KIF11: variants seen among roughly 807,000 people sequenced by gnomAD.
KIF11 encodes kinesin family member 11, also known as kinesin-like protein KIF11.
In KIF11, 9 loss-of-function variants were observed where a neutral mutation model predicts 121.0. The observed-to-expected ratio is 0.07, with a 90% confidence interval of 0.04 to 0.13. KIF11 has a LOEUF of 0.13. Ranked by LOEUF, KIF11 falls within the 10% of genes least tolerant of loss-of-function variation. The probability of loss-of-function intolerance (pLI) is 1.00; values close to 1 mark genes in which losing one functional copy is unlikely to be tolerated. For synonymous variants in KIF11, 408 were observed against 421.0 expected (o/e 0.97, Z 0.38); for missense variants, 846 against 1,217.5 (o/e 0.69, Z 4.54).
chr10:92,634,395 G>A (rs1357594823), intron 14 of KIF11, among the ~76,000 whole-genome samples: 2 of 151,772 alleles, frequency 1.3e-5, no homozygotes, highest in Admixed American at 6.6e-5. Context: ...TCAGCCTCCC[G>A]GGTAGATGGA....
At chr10:92,615,393 G>A (rs1277485136) in intron 8 of KIF11, among the ~76,000 whole-genome samples, 4 of 151,910 alleles carry the variant, frequency 2.6e-5, no homozygotes, top group Non-Finnish European at 5.9e-5. Flanking sequence ...GTGACAGAGT[G>A]AGACTCTGTC....
intron 10 of KIF11, among the ~76,000 whole-genome samples, chr10:92,622,155 T>A (rs1844624271): frequency 6.6e-6 from 1 of 152,094 alleles, no homozygotes; most frequent in South Asian, 2.1e-4. Context: ...ATGCCCGTAA[T>A]CATAGCTACT....
intron 16 of KIF11, among the ~76,000 whole-genome samples, chr10:92,637,962 A>T (rs74662385): frequency 0.021 from 3,161 of 152,278 alleles, 49 homozygotes; most frequent in Admixed American, 0.052. Flanking sequence ...TGTCTCACTG[A>T]TAGACATTTA....
intron 18 of KIF11, among the ~76,000 whole-genome samples, chr10:92,646,945 G>A (rs1005488045): frequency 2.6e-5 from 4 of 152,134 alleles, no homozygotes; most frequent in Admixed American, 2.6e-4. Flanking sequence ...TCACCAGTAT[G>A]CAACTCTTAA....
chr10:92,615,331 A>G (rs1589594842), intron 8 of KIF11, among the ~76,000 whole-genome samples: 1 of 151,954 alleles, frequency 6.6e-6, no homozygotes, highest in African/African-American at 2.4e-5. Context: ...GCTTGAACCC[A>G]GGAGGTGGAG....
chr10:92,602,391 A>G (rs1234331186), intron 1 of KIF11, among the ~76,000 whole-genome samples: 1 of 152,152 alleles, frequency 6.6e-6, no homozygotes, highest in Non-Finnish European at 1.5e-5. Context: ...TATCAGATCT[A>G]GGGCTTTTCT....
At chr10:92,608,392 G>T (rs1225189566) in intron 4 of KIF11, among the ~76,000 whole-genome samples, 1 of 151,708 alleles carries the variant, frequency 6.6e-6, no homozygotes, top group Admixed American at 6.6e-5. Flanking sequence ...TACCATAGGA[G>T]ATATGGAATA....
At chr10:92,604,792 G>A (rs1589589340) in intron 1 of KIF11, among the ~76,000 whole-genome samples, 1 of 152,190 alleles carries the variant, frequency 6.6e-6, no homozygotes, top group East Asian at 1.9e-4. Context: ...TCTCCCTTTG[G>A]CCCAGACATG....
At chr10:92,623,602 T>C (rs1252394153) in intron 10 of KIF11, among the ~76,000 whole-genome samples, 1 of 152,224 alleles carries the variant, frequency 6.6e-6, no homozygotes, top group Non-Finnish European at 1.5e-5. Context: ...TCTGTGTTAC[T>C]TCCAACTGTC....
At chr10:92,594,208 G>T (rs1844266690) in intron 1 of KIF11, among the ~76,000 whole-genome samples, 1 of 152,210 alleles carries the variant, frequency 6.6e-6, no homozygotes, top group South Asian at 2.1e-4. Context: ...TTTTGTGGCT[G>T]TTAACAGTTG....
At chr10:92,602,805 TAAAC>T (rs1272638767) in intron 1 of KIF11, among the ~76,000 whole-genome samples, 28 of 109,454 alleles carry the variant, frequency 2.6e-4, no homozygotes, top group African/African-American at 8.6e-4. Flanking sequence ...CCTGGTTACT[TAAAC>T]ACACACACAC....
intron 10 of KIF11, 21 bp downstream of exon 10, chr10:92,621,494 T>A: frequency 7.0e-7 from 1 of 1,435,990 alleles, no homozygotes; most frequent in Non-Finnish European, 9.8e-7. Flanking sequence ...GGCTATGGAG[T>A]TAATTTCCAA....
intron 10 of KIF11, among the ~76,000 whole-genome samples, chr10:92,627,790 G>A (rs1264236525): frequency 6.6e-6 from 1 of 151,920 alleles, no homozygotes; most frequent in Non-Finnish European, 1.5e-5. Flanking sequence ...ATTCTTTGTT[G>A]GATTTTTTTT....
At position 92,645,532 on chromosome 10, in the gene KIF11, C is replaced by G; in HGVS notation, c.2437C>G (p.Gln813Glu). 1 of 1,613,680 alleles carries G rather than the reference C, an allele frequency of 6.2e-7. No homozygotes were observed. The highest frequency in any genetic ancestry group is 8.5e-7 in the Non-Finnish European group (1 of 1,179,650). Residue 813 changes from glutamine to glutamate, a missense_variant, in exon 18 of 22, where the codon CAA becomes GAA. Gln to Glu is a conservative substitution (Grantham distance 29). Around this residue, in one of 5 missense-constraint regions of KIF11, gnomAD observed 492 missense variants for 603.4 expected, o/e 0.82. Coordinates refer to ENST00000260731, the MANE Select transcript of KIF11 (RefSeq NM_004523.4). ...KLNGNLEKISQETEQRCESLN... is the reference protein window; with the variant it reads ...KLNGNLEKISEETEQRCESLN... ...CAATGGCAACCTGGAAAAAATATCT[C>G]AAGAGACTGAACAGAGATGTGAATC...
intron 21 of KIF11, among the ~76,000 whole-genome samples, chr10:92,651,338 T>C (rs1157749860): frequency 1.4e-5 from 2 of 143,368 alleles, no homozygotes; most frequent in East Asian, 2.1e-4. Context: ...CTCTACCCAC[T>C]TTTTTTTTTC....
In KIF11 at chr10:92,623,553, C is replaced by T. The variant is rs116687496; in HGVS notation, c.1217+2080C>T. Reference sequence around the variant, plus strand: ...CTGAACTTTTTTGTAGATGTTAACACTCTAATAGTATATAAATCATTTAAT... The same window carrying T: ...CTGAACTTTTTTGTAGATGTTAACATTCTAATAGTATATAAATCATTTAAT... On this transcript the variant is annotated intron_variant, in intron 10 of 21. Coordinates refer to ENST00000260731, the MANE Select transcript of KIF11 (RefSeq NM_004523.4). Among the ~76,000 whole-genome samples the T allele has an allele frequency of 5.0e-3, 755 of 152,290 alleles. 3 individuals are homozygous for T. The highest frequency in any genetic ancestry group is 0.017 in the African/African-American group (708 of 41,562).
In KIF11 at chr10:92,628,901, C is replaced by CT. The variant is rs1209219347; in HGVS notation, c.1305+6_1305+7insT. ...TTGAGGAGGAGCTGAATAGGGTAAG[C>CT]ACTTAAAATGATATTTACTGTTATG... On this transcript the variant is annotated splice_region_variant and intron_variant, in intron 11 of 21. Transcript: ENST00000260731. 7.0e-7 allele frequency: 1 copy of CT among 1,430,230 alleles called. No individual in the cohort carries two copies. The highest frequency in any genetic ancestry group is 2.3e-5 in the East Asian group (1 of 43,780). The allele number at this position is 1,430,230 out of a possible 1,614,324, so 88.6% of individuals were successfully genotyped here.
Position 92,593,481 on chromosome 10 carries a change from C to T in KIF11, c.77+29C>T, listed in dbSNP as rs778999989. 1.3e-6 allele frequency: 2 copies of T among 1,590,700 alleles called. 1 individual carries two copies. The highest frequency in any genetic ancestry group is 1.7e-6 in the Non-Finnish European group (2 of 1,166,976). On this transcript the variant is annotated intron_variant, in intron 1 of 21. Coordinates refer to ENST00000260731, the MANE Select transcript of KIF11 (RefSeq NM_004523.4). ...GGGAGAGGGCTGACAGGATTCCGAG[C>T]GCTGCGGCTTCGCTGCTGGGCCCCC...
intron 1 of KIF11, among the ~76,000 whole-genome samples, chr10:92,602,858 T>G (rs1289322575): frequency 8.0e-6 from 1 of 125,148 alleles, no homozygotes; most frequent in African/African-American, 3.2e-5. Context: ...GTGTGTGTGG[T>G]TTTTTGTTTG....
Sources: allele counts gnomAD v4.1 joint callset (sites outside exome capture counted in the v4.1 genomes callset), GRCh38; gene constraint gnomAD v4.1.1; regional missense constraint gnomAD v4.1.1; transcripts MANE v1.5; gene names NCBI Gene and HGNC (gene_info 2026-07-23, HGNC 2026-07-21).